MEP1A: variants seen among roughly 807,000 people sequenced by gnomAD.
MEP1A encodes the protein N-benzoyl-L-tyrosyl-P-amino-benzoic acid hydrolase subunit alpha.
In MEP1A, 68 loss-of-function variants were observed where a neutral mutation model predicts 84.5. The ratio of observed to expected loss-of-function variants is 0.80; its 90% CI spans 0.66 to 0.98. The LOEUF (loss-of-function observed/expected upper bound fraction) is 0.98, where lower values mean the gene tolerates loss of function less well. Ranked by LOEUF, MEP1A falls within the 50% of genes least tolerant of loss-of-function variation. MEP1A has a pLI of 0.00. For synonymous variants in MEP1A, 337 were observed against 336.8 expected (o/e 1.00, Z -0.01); for missense variants, 887 against 919.9 (o/e 0.96, Z 0.46).
rs752512606 is a variant in MEP1A, at chr6:46,833,409, G to A, written c.1480G>A (p.Asp494Asn). 15 of 1,614,054 alleles carry A rather than the reference G, an allele frequency of 9.3e-6. No homozygotes were observed. The highest frequency in any genetic ancestry group is 8.0e-5 in the African/African-American group (6 of 74,918). ...TTTTCATGTGTGCAGTGGGGAGAACGATGCTATCCTGGAGTGGCCGGTAGA... is the reference window on the plus strand; with the variant it reads ...TTTTCATGTGTGCAGTGGGGAGAACAATGCTATCCTGGAGTGGCCGGTAGA... ...LAFHVCSGEN[D>N]AILEWPVENR... The change falls in exon 11 of 14, where the codon GAT becomes AAT. Residue 494 changes from aspartate to asparagine, a missense_variant. Physicochemically the swap from Asp to Asn is conservative, Grantham distance 23 (BLOSUM62 1). Coordinates refer to ENST00000230588, the MANE Select transcript of MEP1A (RefSeq NM_005588.3).
Position 46,793,680 on chromosome 6 carries a change from T to A in MEP1A, c.109T>A (p.Phe37Ile), listed in dbSNP as rs1581658278. The change falls in exon 3 of 14, where the codon TTT becomes ATT. Residue 37 changes from phenylalanine (F) to isoleucine (I), a missense_variant. Physicochemically the swap from Phe to Ile is conservative, Grantham distance 21. Coordinates refer to ENST00000230588, the MANE Select transcript of MEP1A (RefSeq NM_005588.3). ...ACTTTTAACAGTACATGATGCAGAT[T>A]TTGGTGAACAGAAGGATATTTCAGA... ...LPEENVHDAD[F>I]GEQKDISEIN... 1 of 1,610,894 alleles carries A rather than the reference T, an allele frequency of 6.2e-7. No individual in the cohort carries two copies. Among genetic ancestry groups the A allele is most frequent in the Non-Finnish European group, 8.5e-7 (1 of 1,177,674 alleles).
At chr6:46,803,204 A>G (rs962871429) in intron 5 of MEP1A, among the ~76,000 whole-genome samples, 2 of 151,592 alleles carry the variant, frequency 1.3e-5, no homozygotes, top group African/African-American at 2.4e-5. Context: ...TCTTTGTGGG[A>G]TAGTATTTTT....
At position 46,819,497 on chromosome 6, in the gene MEP1A, A is replaced by G. The variant is rs200597236; in HGVS notation, c.381-32A>G. On this transcript the variant is annotated intron_variant, in intron 6 of 13. Transcript: ENST00000230588. ...AATGACAGCCACTTAAAAATTCTCT[A>G]GAAGAAATTTTTCCTCTTCTCCTCT... 46 of 1,549,890 alleles carry G rather than the reference A, an allele frequency of 3.0e-5. No individual in the cohort carries two copies. The Admixed American group carries it at 4.8e-4, about 16-fold the overall frequency.
chr6:46,820,022 C>G (rs896713214), intron 7 of MEP1A, among the ~76,000 whole-genome samples: 3 of 152,136 alleles, frequency 2.0e-5, no homozygotes, highest in African/African-American at 7.2e-5. Flanking sequence ...GAAAGTGAAT[C>G]CAGATTTTAA....
intron 6 of MEP1A, among the ~76,000 whole-genome samples, chr6:46,818,982 C>CTGGGTGTGGCGGCACA (rs11271529): frequency 1.3e-5 from 2 of 151,774 alleles, no homozygotes; most frequent in African/African-American, 2.4e-5. Flanking sequence ...AAAACATTAT[C>CTGGGTGTGGCGGCACA]TGCCTGTGGT....
chr6:46,809,618 C>A, intron 6 of MEP1A, 81 bp downstream of exon 6: 2 of 841,776 alleles, frequency 2.4e-6, no homozygotes, highest in Non-Finnish European at 3.9e-6. Flanking sequence ...CCCCAAAGTC[C>A]AATGTATCAT....
intron 9 of MEP1A, 97 bp from the exon 10 acceptor site, chr6:46,829,259 G>T: frequency 1.0e-6 from 1 of 958,420 alleles, no homozygotes; most frequent in Non-Finnish European, 1.7e-6. Context: ...TTGTTGCCTG[G>T]ACAATGGCTG....
the MEP1A span, among the ~76,000 whole-genome samples, chr6:46,844,839 C>T: frequency 6.6e-6 from 1 of 152,220 alleles, no homozygotes; most frequent in Admixed American, 6.5e-5. Flanking sequence ...CAAATCTCAT[C>T]TTGAATTGTA....
chr6:46,825,492 C>T lies in MEP1A; in HGVS notation c.777C>T (p.Cys259=), dbSNP rs148650252. The change falls in exon 8 of 14, where the codon TGC becomes TGT. Residue 259 remains cysteine (C), a splice_region_variant and synonymous_variant. Transcript: ENST00000230588. ...AGAGGCTGAACCGAATGTACAATTG[C>T]AGTGAGTATCTCAGTTTCTGAGAAC... ...DLERLNRMYN[C]TTTHTLLDHC... is the part of the protein sequence containing the mutation. 2.2e-5 allele frequency: 36 copies of T among 1,600,794 alleles called. No homozygotes were observed. The African/African-American group carries it at 4.7e-4, about 21-fold the overall frequency.
At chr6:46,842,916 G>A (rs1768358997), downstream of MEP1A, among the ~76,000 whole-genome samples, 2 of 152,164 alleles carry the variant, frequency 1.3e-5, no homozygotes, top group Admixed American at 6.5e-5. Context: ...AAATATTGGG[G>A]TCTAGTTCCC....
At position 46,835,390 on chromosome 6, in the gene MEP1A, G is replaced by A. The variant is rs1669931233; in HGVS notation, c.1925G>A (p.Ser642Asn). Residue 642 changes from serine to asparagine, a missense_variant, in exon 13 of 14, where the codon AGC becomes AAC. Transcript: ENST00000230588. ...ATGTTAGAGGAAGCCCTACCTGTCA[G>A]CCTGAGCCAGGGGCAGCCCAGCCGA... The part of the protein sequence containing the change: ...KAMLEEALPV[S>N]LSQGQPSRQK... 1.2e-6 allele frequency: 2 copies of A among 1,612,092 alleles called. No individual in the cohort carries two copies. Among genetic ancestry groups the A allele is most frequent in the Admixed American group, 3.3e-5 (2 of 59,758 alleles).
rs537040638 is a variant in MEP1A at position 46,815,927 on chromosome 6, C to CATTT, written c.381-3586_381-3583dup. Among the ~76,000 whole-genome samples the CATTT allele has an allele frequency of 2.4e-3, 364 of 152,062 alleles. 2 individuals carry two copies. Among genetic ancestry groups the CATTT allele is most frequent in the Non-Finnish European group, 5.7e-4 (39 of 67,974 alleles). ...TGAGTAGTTACTTTTGGAGCTTATT[C>CATTT]ATTTATTTATTTATTTATTATTTTT... On this transcript the variant is annotated intron_variant, in intron 6 of 13. Coordinates refer to ENST00000230588, the MANE Select transcript of MEP1A (RefSeq NM_005588.3).
In MEP1A at chr6:46,829,469, T is replaced by C. The variant is rs765458047; in HGVS notation, c.1042T>C (p.Tyr348His). Residue 348 changes from tyrosine (Y) to histidine (H), a missense_variant, in exon 10 of 14, where the codon TAT becomes CAT. Tyr to His is a moderately conservative substitution (Grantham distance 83, BLOSUM62 2). Transcript: ENST00000230588. ...GAAGCAGCAGTGCCTGCAATTTTTC[T>C]ATAAAATGACGGGAAGTCCTTCAGA... ...KRKQQCLQFF[Y>H]KMTGSPSDRL... is the part of the protein sequence containing the mutation. 6.2e-7 allele frequency: 1 copy of C among 1,614,172 alleles called. No homozygotes were observed. Among genetic ancestry groups the C allele is most frequent in the Non-Finnish European group, 8.5e-7 (1 of 1,180,006 alleles).
At chr6:46,833,633 C>A in intron 11 of MEP1A, 95 bp downstream of exon 11, 1 of 920,130 alleles carries the variant, frequency 1.1e-6, no homozygotes, top group Non-Finnish European at 1.7e-6. Flanking sequence ...GTTCTCCTCA[C>A]ATTGTCTGTT....
chr6:46,840,253 G>A (rs373872027), downstream of MEP1A, among the ~76,000 whole-genome samples: 26 of 152,300 alleles, frequency 1.7e-4, no homozygotes, highest in South Asian at 3.7e-3. Flanking sequence ...GGAACAATTT[G>A]TAGCGAGTGA....
At chr6:46,798,561 AT>A (rs1197418975) in intron 3 of MEP1A, 44 bp from the exon 4 acceptor site, 39 of 1,474,074 alleles carry the variant, frequency 2.6e-5, no homozygotes, top group Non-Finnish European at 3.6e-5. Flanking sequence ...CCTTTTAATA[AT>A]GTTCACTCAA....
At chr6:46,833,758 T>C (rs1415733053) in intron 11 of MEP1A, among the ~76,000 whole-genome samples, 1 of 152,160 alleles carries the variant, frequency 6.6e-6, no homozygotes, top group Non-Finnish European at 1.5e-5. Context: ...GGGCTTACCA[T>C]GTGCCAAAGT....
rs144317871 is a variant in MEP1A at position 46,811,432 on chromosome 6, C to T, written c.380+1895C>T. Among the ~76,000 whole-genome samples the T allele has an allele frequency of 9.0e-3, 1,365 of 152,102 alleles. 9 individuals are homozygous for T. Among genetic ancestry groups the T allele is most frequent in the Middle Eastern group, 0.041 (12 of 294 alleles). ...TCATCAGCAAACAGTGATAATTTGA[C>T]TTCCTGTTTACTGATTTGGATGCCC... On this transcript the variant is annotated intron_variant, in intron 6 of 13. Coordinates refer to ENST00000230588, the MANE Select transcript of MEP1A (RefSeq NM_005588.3).
At chr6:46,824,270 A>G (rs1292579065) in intron 7 of MEP1A, among the ~76,000 whole-genome samples, 1 of 151,944 alleles carries the variant, frequency 6.6e-6, no homozygotes, top group Non-Finnish European at 1.5e-5. Context: ...ACGTACACAC[A>G]CACCCAGATA....
Sources: gnomAD v4.1 joint callset for allele counts (sites outside exome capture counted in the v4.1 genomes callset) on GRCh38, gnomAD v4.1.1 for gene constraint, MANE v1.5 for transcripts, NCBI Gene and HGNC (gene_info 2026-07-23, HGNC 2026-07-21) for gene names.